The following NDUFAF5 variants were observed in gnomAD, a reference collection of about 807,000 sequenced individuals.
The protein encoded by NDUFAF5 is arginine-hydroxylase NDUFAF5, mitochondrial.
A neutral mutation model predicts 48.9 loss-of-function variants in NDUFAF5; 34 were observed. The ratio of observed to expected loss-of-function variants is 0.70; its 90% CI spans 0.53 to 0.93. The LOEUF is 0.93. NDUFAF5 is among the 40% of genes least tolerant of loss of function. NDUFAF5 has a pLI of 0.00. For missense variants in NDUFAF5, 428 were observed against 427.5 expected (o/e 1.00, Z -0.01); for synonymous variants, 153 against 150.6 (o/e 1.02, Z -0.12).
chr20:13,812,242 G>A (rs1043242601), intron 8 of NDUFAF5, among the ~76,000 whole-genome samples: 17 of 152,196 alleles, frequency 1.1e-4, no homozygotes, highest in African/African-American at 2.4e-4. Flanking sequence ...GGAAAGATGC[G>A]TAGCTGAAAT....
intron 2 of NDUFAF5, 21 bp from the exon 3 acceptor site, chr20:13,788,568 C>T (rs767398387): frequency 7.6e-6 from 12 of 1,573,438 alleles, no homozygotes; most frequent in Admixed American, 5.0e-5. Context: ...CAGAGCATAA[C>T]CTCTGTGTCT....
chr20:13,801,457 A>G, intron 6 of NDUFAF5, 29 bp from the exon 7 acceptor site: 2 of 1,421,502 alleles, frequency 1.4e-6, no homozygotes, highest in Non-Finnish European at 1.9e-6. Flanking sequence ...AAAAATTTGA[A>G]TCATTTTGTT....
intron 7 of NDUFAF5, among the ~76,000 whole-genome samples, chr20:13,802,206 C>G (rs1171308208): frequency 6.6e-6 from 1 of 152,054 alleles, no homozygotes; most frequent in Non-Finnish European, 1.5e-5. Context: ...CGAAAGAAGA[C>G]CCATGGGCAA....
At chr20:13,787,795 A>T (rs369416495) in intron 2 of NDUFAF5, among the ~76,000 whole-genome samples, 15 of 152,330 alleles carry the variant, frequency 9.8e-5, no homozygotes, top group African/African-American at 3.6e-4. Context: ...ATTTTGACAA[A>T]GCTTTTTAAA....
In NDUFAF5 at chr20:13,820,202, A is replaced by C. The variant is rs1471956514; in HGVS notation, c.*2992A>C. The C allele has an allele frequency of 6.6e-6, 1 of 152,232 alleles. No homozygotes were observed. Among genetic ancestry groups the C allele is most frequent in the Non-Finnish European group, 1.5e-5 (1 of 68,046 alleles). The allele number at this position is 152,232 out of a possible 1,614,324, so 9.4% of individuals were successfully genotyped here. ...ATACCTACAAAAGAATTTTTGCTTT[A>C]TAGGAAGAATTTGTAGGATTTATTG... On this transcript the variant is annotated 3_prime_UTR_variant, in exon 11 of 11. Coordinates refer to ENST00000378106, the MANE Select transcript of NDUFAF5 (RefSeq NM_024120.5).
intron 1 of NDUFAF5, among the ~76,000 whole-genome samples, chr20:13,786,599 C>CA (rs1386793352): frequency 6.6e-6 from 1 of 152,176 alleles, no homozygotes; most frequent in African/African-American, 2.4e-5. Context: ...GCCCTTCTCT[C>CA]AAAAAGCAGG....
At chr20:13,799,721 C>A (rs1173724695) in intron 6 of NDUFAF5, among the ~76,000 whole-genome samples, 1 of 121,986 alleles carries the variant, frequency 8.2e-6, no homozygotes, top group East Asian at 2.6e-4. Context: ...AAGAAAGAAA[C>A]TGATGCCTGG....
chr20:13,790,047 T>C (rs1039039761), intron 3 of NDUFAF5, among the ~76,000 whole-genome samples: 18 of 152,102 alleles, frequency 1.2e-4, no homozygotes, highest in Non-Finnish European at 2.5e-4. Flanking sequence ...AATCAGGGCA[T>C]GGCAGGAGGA....
In NDUFAF5 at chr20:13,816,469, G is replaced by A. The variant is rs1255731016; in HGVS notation, c.785G>A (p.Gly262Asp). The change falls in exon 9 of 11, where the codon GGT (glycine) becomes GAT (aspartate). Residue 262 changes from glycine to aspartate, a missense_variant. Gly to Asp is a moderately conservative substitution (Grantham distance 94). Coordinates refer to ENST00000378106, the MANE Select transcript of NDUFAF5 (RefSeq NM_024120.5). Reference protein sequence around the residue: ...FELMEDLQGMGESNCAWNRKA... With the variant: ...FELMEDLQGMDESNCAWNRKA... The stretch of plus-strand genomic sequence containing the variant: ...ACCTGTAGTGTATTTGTAGGTATGG[G>A]TGAGAGTAACTGTGCTTGGAATAGA... 1.2e-6 allele frequency: 2 copies of A among 1,613,064 alleles called. No individual in the cohort carries two copies. Among genetic ancestry groups the A allele is most frequent in the African/African-American group, 1.3e-5 (1 of 74,892 alleles).
Position 13,785,297 on chromosome 20 carries a change from CCGCGG to C in NDUFAF5, c.222+8_222+12del. 1 of 999,816 alleles carries C rather than the reference CCGCGG, an allele frequency of 1.0e-6. No individual in the cohort carries two copies. Among genetic ancestry groups the C allele is most frequent in the Non-Finnish European group, 1.4e-6 (1 of 691,562 alleles). The allele number at this position is 999,816 out of a possible 1,614,324, so 61.9% of individuals were successfully genotyped here. A position where few individuals can be genotyped will look rare whatever the true frequency, so the allele number is the denominator to read the frequency against. On this transcript the variant is annotated splice_region_variant and intron_variant, in intron 1 of 10. Coordinates refer to ENST00000378106, the MANE Select transcript of NDUFAF5 (RefSeq NM_024120.5). Reference sequence around the variant, plus strand: ...TGACTACCTGAAGGAGGAGGTGAGCCCGCGGGGCGGCGGGGCGGCGGGGCGGGCGA... The same window carrying C: ...TGACTACCTGAAGGAGGAGGTGAGCCGGCGGCGGGGCGGCGGGGCGGGCGA...
rs374945134 is a variant in NDUFAF5, at chr20:13,801,518, T to G, written c.552T>G (p.Phe184Leu). The change falls in exon 7 of 11, where the codon TTT (phenylalanine) becomes TTG (leucine). Residue 184 changes from phenylalanine to leucine, a missense_variant. Physicochemically the swap from Phe to Leu is conservative, Grantham distance 22. Coordinates refer to ENST00000378106, the MANE Select transcript of NDUFAF5 (RefSeq NM_024120.5). ...ATATTTTAAAACCAGATGGAGTGTT[T>G]ATCGGTGCAATGTTTGGAGGCGACA... ...IHYILKPDGV[F>L]IGAMFGGDTL... The G allele has an allele frequency of 1.2e-6, 2 of 1,613,790 alleles. No homozygotes were observed.
intron 3 of NDUFAF5, among the ~76,000 whole-genome samples, chr20:13,792,792 C>G (rs945046278): frequency 6.6e-6 from 1 of 152,144 alleles, no homozygotes. Context: ...CCCTAAGCCT[C>G]TACCTGTAAG....
At chr20:13,808,953 A>G (rs775148306) in intron 8 of NDUFAF5, 51 bp downstream of exon 8, 1 of 1,295,756 alleles carries the variant, frequency 7.7e-7, no homozygotes, top group East Asian at 2.3e-5. Context: ...GTAGGCCAAA[A>G]AAAAAGAATT....
intron 3 of NDUFAF5, among the ~76,000 whole-genome samples, chr20:13,791,247 A>C (rs753927554): frequency 6.6e-6 from 1 of 152,222 alleles, no homozygotes; most frequent in Non-Finnish European, 1.5e-5. Context: ...GGTTAAGAGC[A>C]TTGACTTGAA....
intron 8 of NDUFAF5, 56 bp from the exon 9 acceptor site, chr20:13,816,407 T>G: frequency 6.8e-5 from 80 of 1,171,438 alleles, no homozygotes; most frequent in Non-Finnish European, 8.6e-5. Context: ...TCTGTGGTAT[T>G]GAGCTGTTCA....
chr20:13,792,733 C>G (rs747534017), intron 3 of NDUFAF5, among the ~76,000 whole-genome samples: 5 of 152,150 alleles, frequency 3.3e-5, no homozygotes, highest in African/African-American at 7.2e-5. Context: ...AGCACAGTCT[C>G]CTTTCCTTTT....
intron 8 of NDUFAF5, chr20:13,812,983 T>C (rs1178835839): frequency 1.3e-5 from 2 of 152,350 alleles, no homozygotes; most frequent in Non-Finnish European, 2.9e-5. Flanking sequence ...GGAGTCTCAC[T>C]CTGTCGCCTA....
intron 2 of NDUFAF5, among the ~76,000 whole-genome samples, chr20:13,787,577 A>G (rs1981407995): frequency 6.6e-6 from 1 of 152,236 alleles, no homozygotes; most frequent in South Asian, 2.1e-4. Context: ...ACTCGTATCT[A>G]TCTCCAAGCC....
chr20:13,785,082 C>T lies in NDUFAF5; in HGVS notation c.14C>T (p.Ala5Val), dbSNP rs1390169030. MLRP[A>V]GLWRLCRRPW... ...TCGCAGCTGGAGATGCTGCGGCCGG[C>T]AGGGCTCTGGCGCTTATGTCGGCGA... The change falls in exon 1 of 11, where the codon GCA becomes GTA. Residue 5 changes from alanine to valine, a missense_variant. By Grantham distance (64) the Ala-to-Val change is moderately conservative. Coordinates refer to ENST00000378106, the MANE Select transcript of NDUFAF5 (RefSeq NM_024120.5). The T allele has an allele frequency of 2.5e-6, 4 of 1,612,006 alleles. No individual in the cohort carries two copies. The highest frequency in any genetic ancestry group is 2.7e-5 in the African/African-American group (2 of 74,906).
Sources: allele counts gnomAD v4.1 joint callset (sites outside exome capture counted in the v4.1 genomes callset), GRCh38; gene constraint gnomAD v4.1.1; transcripts MANE v1.5; gene names NCBI Gene and HGNC (gene_info 2026-07-23, HGNC 2026-07-21).